The following MAP2K1 variants were observed in gnomAD, a reference collection of about 807,000 sequenced individuals.
The protein encoded by MAP2K1 is mitogen-activated protein kinase kinase 1, also known as dual specificity mitogen-activated protein kinase kinase 1.
MAP2K1 carries 16 observed loss-of-function variants against 46.3 expected under a neutral mutation model. The observed-to-expected ratio is 0.35, with a 90% CI of 0.23 to 0.52. The LOEUF (loss-of-function observed/expected upper bound fraction) is 0.52, where lower values mean the gene tolerates loss of function less well. MAP2K1 is among the 20% of genes least tolerant of loss of function. MAP2K1 has a pLI of 0.94. For missense variants in MAP2K1, 263 were observed against 497.1 expected, an observed-to-expected ratio of 0.53 and a Z score of 4.48; for synonymous variants, 183 against 185.6, an observed-to-expected ratio of 0.99 and a Z score of 0.11.
chr15:66,432,959 A>AGTGTGTGTGTGTGTGTGTGTGTGTGTGT (rs1164509967), intron 1 of MAP2K1, among the ~76,000 whole-genome samples: 63 of 131,984 alleles, frequency 4.8e-4, no homozygotes, highest in Non-Finnish European at 7.9e-4. Context: ...CATCATGCAC[A>AGTGTGTGTGTGTGTGTGTGTGTGTGTGT]GTGTGTGTGT....
intron 3 of MAP2K1, among the ~76,000 whole-genome samples, chr15:66,437,751 C>T (rs1223345360): frequency 1.3e-5 from 2 of 152,212 alleles, no homozygotes; most frequent in East Asian, 1.9e-4. Context: ...GTAATGATCA[C>T]GAAGTGCTGC....
chr15:66,488,485 A>C (rs2140681470), intron 8 of MAP2K1, among the ~76,000 whole-genome samples: 1 of 152,254 alleles, frequency 6.6e-6, no homozygotes, highest in Admixed American at 6.5e-5. Context: ...GGGTACACAC[A>C]GCTCCCAGCC....
Position 66,491,246 on chromosome 15 carries a change from T to C in MAP2K1, c.*631T>C. On this transcript the variant is annotated 3_prime_UTR_variant, in exon 11 of 11. Transcript: ENST00000307102. ...TCTACTGTGGTGATCTGTAGACTTC[T>C]GGTTGTATTTCTATATTTATTTTCA... is the stretch of plus-strand genomic sequence containing the variant. The C allele has an allele frequency of 8.4e-6, 2 of 239,010 alleles. No individual in the cohort carries two copies. The highest frequency in any genetic ancestry group is 1.7e-5 in the Non-Finnish European group (2 of 121,026). The allele number at this position is 239,010 out of a possible 1,614,324, so 14.8% of individuals were successfully genotyped here.
chr15:66,458,702 C>CTAGAGA (rs1270322417), intron 5 of MAP2K1, among the ~76,000 whole-genome samples: 1 of 152,126 alleles, frequency 6.6e-6, no homozygotes, highest in Non-Finnish European at 1.5e-5. Flanking sequence ...ATTTTCTTTT[C>CTAGAGA]TAGAGATGCG....
intron 5 of MAP2K1, among the ~76,000 whole-genome samples, chr15:66,469,693 GACACACAC>G (rs56197290): frequency 4.7e-5 from 4 of 84,876 alleles, no homozygotes; most frequent in Non-Finnish European, 9.3e-5. Flanking sequence ...TCCTTTTAAA[GACACACAC>G]ACACACACAC....
At chr15:66,444,908 A>G (rs1253465950) in intron 5 of MAP2K1, 4 of 575,312 alleles carry the variant, frequency 7.0e-6, no homozygotes, top group African/African-American at 1.9e-5. Context: ...CCTATTGCCT[A>G]TAGCTGTGAT....
At chr15:66,438,019 CTT>C (rs58085335) in intron 3 of MAP2K1, among the ~76,000 whole-genome samples, 25 of 117,778 alleles carry the variant, frequency 2.1e-4, no homozygotes, top group African/African-American at 7.1e-4. Context: ...CTCTTGTGTT[CTT>C]TTTTTTTTTT....
chr15:66,435,812 T>G (rs1268180653), intron 2 of MAP2K1, among the ~76,000 whole-genome samples: 1 of 152,210 alleles, frequency 6.6e-6, no homozygotes, highest in Non-Finnish European at 1.5e-5. Context: ...CTGGAGAAGC[T>G]GCTTTCATTC....
At chr15:66,477,853 A>G (rs1371123964) in intron 5 of MAP2K1, among the ~76,000 whole-genome samples, 3 of 151,812 alleles carry the variant, frequency 2.0e-5, no homozygotes, top group Non-Finnish European at 2.9e-5. Context: ...CACACCCCTT[A>G]CCCTTCTCAG....
intron 7 of MAP2K1, among the ~76,000 whole-genome samples, 160 bp downstream of exon 7, chr15:66,485,351 T>C (rs1200273724): frequency 6.6e-6 from 1 of 152,246 alleles, no homozygotes; most frequent in African/African-American, 2.4e-5. Context: ...GGTCTCCAGG[T>C]GGGTGTTGTT....
intron 3 of MAP2K1, among the ~76,000 whole-genome samples, chr15:66,441,848 A>G (rs1487264946): frequency 6.6e-6 from 1 of 152,128 alleles, no homozygotes; most frequent in African/African-American, 2.4e-5. Context: ...ATACTTTAGA[A>G]AATTTGTTTT....
intron 1 of MAP2K1, among the ~76,000 whole-genome samples, chr15:66,387,729 C>G (rs530056106): frequency 5.3e-5 from 8 of 152,348 alleles, no homozygotes; most frequent in African/African-American, 1.4e-4. Context: ...TCTCCCCTGC[C>G]TCCTCCCAGT....
At chr15:66,391,100 A>G (rs533176911) in intron 1 of MAP2K1, among the ~76,000 whole-genome samples, 1 of 143,392 alleles carries the variant, frequency 7.0e-6, no homozygotes, top group South Asian at 2.2e-4. Context: ...TATGTTGCCC[A>G]GGCTGGTTCT....
At chr15:66,464,285 G>A (rs959379940) in intron 5 of MAP2K1, among the ~76,000 whole-genome samples, 2 of 152,090 alleles carry the variant, frequency 1.3e-5, no homozygotes, top group African/African-American at 4.8e-5. Flanking sequence ...GAGAAAATAG[G>A]GGGAGAAAGG....
At chr15:66,428,669 T>TTAAC (rs1037222186) in intron 1 of MAP2K1, among the ~76,000 whole-genome samples, 4 of 151,882 alleles carry the variant, frequency 2.6e-5, no homozygotes, top group Non-Finnish European at 5.9e-5. Context: ...ACACGTAAAA[T>TTAAC]TAACCATCAC....
rs570295657 is a variant in MAP2K1, at chr15:66,491,304, CTT to C, written c.*691_*692del. The C allele has an allele frequency of 1.3e-4, 31 of 234,170 alleles. No homozygotes were observed. The highest frequency in any genetic ancestry group is 5.5e-4 in the African/African-American group (25 of 45,344). 14.5% of individuals were successfully genotyped at this position (234,170 alleles called of 1,614,324 possible). On this transcript the variant is annotated 3_prime_UTR_variant, in exon 11 of 11. Transcript: ENST00000307102. ...GTGTGGGATACTTAGTGGTATGTCTCTTTAAGTTTTGATTAATGTTTCTTAAA... is the reference window on the plus strand; with the variant it reads ...GTGTGGGATACTTAGTGGTATGTCTCTAAGTTTTGATTAATGTTTCTTAAA...
At chr15:66,485,306 C>G (rs1241933245) in intron 7 of MAP2K1, 115 bp downstream of exon 7, 1 of 1,061,060 alleles carries the variant, frequency 9.4e-7, no homozygotes, top group Non-Finnish European at 1.3e-6. Context: ...TTCTCTGTCC[C>G]TGGATGCCAG....
intron 5 of MAP2K1, among the ~76,000 whole-genome samples, chr15:66,461,468 C>T (rs1892316800): frequency 7.3e-6 from 1 of 137,586 alleles, no homozygotes; most frequent in Non-Finnish European, 1.5e-5. Flanking sequence ...CAGAGTGAGA[C>T]TCTGTCTCTA....
intron 1 of MAP2K1, among the ~76,000 whole-genome samples, chr15:66,418,909 G>A (rs1026728015): frequency 1.9e-4 from 27 of 145,764 alleles, no homozygotes; most frequent in East Asian, 1.8e-3. Flanking sequence ...GCCTCTCAAA[G>A]TGCTGGGATT....
Sources: gnomAD v4.1 joint callset for allele counts (sites outside exome capture counted in the v4.1 genomes callset) on GRCh38, gnomAD v4.1.1 for gene constraint, MANE v1.5 for transcripts, NCBI Gene and HGNC (gene_info 2026-07-23, HGNC 2026-07-21) for gene names.